APP: variants seen among roughly 807,000 people sequenced by gnomAD.
The protein encoded by APP is amyloid-beta precursor protein.
A neutral mutation model predicts 101.4 loss-of-function variants in APP; 31 were observed. The ratio of observed to expected loss-of-function variants is 0.31; its 90% CI spans 0.23 to 0.41. The LOEUF is 0.41. Among genes scored for constraint, APP ranks in the 10% least tolerant of loss-of-function variants. APP has a pLI of 1.00. For missense variants in APP, 839 were observed against 1,003.7 expected (o/e 0.84, Z 2.22); for synonymous variants, 366 against 364.4 (o/e 1.00, Z -0.05).
chr21:26,078,227 T>G (rs2061533826), intron 3 of APP, among the ~76,000 whole-genome samples: 1 of 152,208 alleles, frequency 6.6e-6, no homozygotes, highest in South Asian at 2.1e-4. Flanking sequence ...CAGTATTCCC[T>G]TCATAATAAG....
intron 1 of APP, chr21:26,169,407 G>C (rs1488666503): frequency 6.6e-6 from 1 of 152,658 alleles, no homozygotes; most frequent in Non-Finnish European, 1.5e-5. Flanking sequence ...AGTCCCCAGA[G>C]CTGCCAGGGA....
At chr21:26,160,658 A>G (rs1021968236) in intron 1 of APP, among the ~76,000 whole-genome samples, 1 of 152,182 alleles carries the variant, frequency 6.6e-6, no homozygotes, top group Non-Finnish European at 1.5e-5. Context: ...AAAATGGCCA[A>G]AAAAGGAGCC....
intron 6 of APP, among the ~76,000 whole-genome samples, chr21:26,020,568 T>C (rs772392525): frequency 6.6e-6 from 1 of 152,212 alleles, no homozygotes; most frequent in Non-Finnish European, 1.5e-5. Context: ...CATTAAACTT[T>C]AGCAAAAAGT....
Position 26,024,329 on chromosome 21 carries a change from G to A in APP, c.663-2287C>T, listed in dbSNP as rs184968316. Reference sequence around the variant, plus strand: ...CCCAGAAGGAAAAAAAAAAGCGAGAGGGAGAAAGCAGAAGGGAATTATTAC... The same window carrying A: ...CCCAGAAGGAAAAAAAAAAGCGAGAAGGAGAAAGCAGAAGGGAATTATTAC... On this transcript the variant is annotated intron_variant, in intron 5 of 17. Coordinates refer to ENST00000346798, the MANE Select transcript of APP (RefSeq NM_000484.4). Among the ~76,000 whole-genome samples, 645 of 152,152 alleles carry A rather than the reference G, an allele frequency of 4.2e-3. 5 individuals carry two copies. Among genetic ancestry groups the A allele is most frequent in the African/African-American group, 0.015 (618 of 41,536 alleles).
intron 3 of APP, among the ~76,000 whole-genome samples, chr21:26,084,877 T>C (rs1270223974): frequency 6.6e-6 from 1 of 152,242 alleles, no homozygotes; most frequent in Admixed American, 6.5e-5. Context: ...AAAGTACAAC[T>C]ACCAAGAGAT....
At chr21:26,072,387 C>G (rs1436861162) in intron 3 of APP, among the ~76,000 whole-genome samples, 3 of 152,284 alleles carry the variant, frequency 2.0e-5, no homozygotes, top group African/African-American at 7.2e-5. Context: ...TTTGGTACAA[C>G]TGTAAGCTCT....
At chr21:25,989,922 T>TAA (rs58821939) in intron 8 of APP, among the ~76,000 whole-genome samples, 1 of 145,252 alleles carries the variant, frequency 6.9e-6, no homozygotes, top group African/African-American at 2.5e-5. Context: ...AAAGTGTCTC[T>TAA]AAAAAAAAAA....
chr21:26,103,786 C>T (rs2062118409), intron 2 of APP, among the ~76,000 whole-genome samples: 1 of 152,170 alleles, frequency 6.6e-6, no homozygotes, highest in African/African-American at 2.4e-5. Flanking sequence ...CGACGACTAG[C>T]GTGCTCTAGG....
intron 5 of APP, among the ~76,000 whole-genome samples, chr21:26,027,902 T>C (rs1346194854): frequency 1.3e-5 from 2 of 152,018 alleles, no homozygotes; most frequent in Non-Finnish European, 2.9e-5. Flanking sequence ...CTACCAAAAA[T>C]TCATGACTCA....
At chr21:26,072,012 C>T (rs1047827883) in intron 3 of APP, among the ~76,000 whole-genome samples, 30 of 152,144 alleles carry the variant, frequency 2.0e-4, no homozygotes, top group African/African-American at 7.0e-4. Context: ...TCAGGGCCTT[C>T]GCTTTTAAGT....
In APP at chr21:26,089,968, G is replaced by T. The variant is rs202145222; in HGVS notation, c.330C>A (p.His110Gln). 16 of 1,614,184 alleles carry T rather than the reference G, an allele frequency of 9.9e-6. No individual in the cohort carries two copies. The highest frequency in any genetic ancestry group is 1.4e-5 in the Non-Finnish European group (16 of 1,180,012). ...CTAAGCAGCGGTAGGGAATCACAAA[G>T]TGGGGATGGGTCTTGCACTGCTTGC... ...RGRKQCKTHP[H>Q]FVIPYRCLVG... The change falls in exon 3 of 18, where the codon CAC becomes CAA. Residue 110 changes from histidine (H) to glutamine (Q), a missense_variant. His to Gln is a conservative substitution (Grantham distance 24). Transcript: ENST00000346798.
intron 13 of APP, among the ~76,000 whole-genome samples, chr21:25,920,874 G>A (rs1352375597): frequency 1.7e-4 from 21 of 126,424 alleles, no homozygotes; most frequent in Non-Finnish European, 1.5e-4. Context: ...TGCACCAAGC[G>A]GACCTAATAG....
chr21:25,975,013 C>T (rs1411950399), intron 11 of APP, 57 bp downstream of exon 11: 2 of 1,609,856 alleles, frequency 1.2e-6, no homozygotes, highest in Non-Finnish European at 1.7e-6. Context: ...CCCAGTGCCC[C>T]ACCCTTACTG....
chr21:26,152,144 G>A (rs1449594099), intron 1 of APP, among the ~76,000 whole-genome samples: 1 of 151,816 alleles, frequency 6.6e-6, no homozygotes, highest in African/African-American at 2.4e-5. Flanking sequence ...AATTAGCCGG[G>A]CGTGGTGGCG....
At chr21:25,979,812 T>TA (rs2042358698) in intron 9 of APP, among the ~76,000 whole-genome samples, 1 of 2,540 alleles carries the variant, frequency 3.9e-4, no homozygotes, top group Non-Finnish European at 8.5e-4. Flanking sequence ...AAAACACACA[T>TA]TAAAAAAAAT....
intron 3 of APP, among the ~76,000 whole-genome samples, chr21:26,079,333 G>A (rs551796175): frequency 6.1e-4 from 93 of 152,144 alleles, no homozygotes; most frequent in Non-Finnish European, 1.1e-3. Flanking sequence ...AATAAACACA[G>A]CTTGAGGTTA....
chr21:26,049,522 C>T (rs1030195991), intron 5 of APP, among the ~76,000 whole-genome samples: 4 of 151,952 alleles, frequency 2.6e-5, no homozygotes, highest in Non-Finnish European at 5.9e-5. Context: ...TAATTAGGTG[C>T]ATCTAGTAAC....
intron 6 of APP, among the ~76,000 whole-genome samples, chr21:26,010,854 C>CAAAACAAAAAAA (rs2043769218): frequency 8.3e-6 from 1 of 120,978 alleles, no homozygotes; most frequent in African/African-American, 3.0e-5. Context: ...CAAAAAACAA[C>CAAAACAAAAAAA]AAAACAAAAA....
At chr21:25,999,759 T>C (rs547611586) in intron 7 of APP, among the ~76,000 whole-genome samples, 2 of 152,312 alleles carry the variant, frequency 1.3e-5, no homozygotes, top group Admixed American at 6.5e-5. Flanking sequence ...AAAGTCCCTC[T>C]GGATTGCAAG....
Sources: gnomAD v4.1 joint callset for allele counts (sites outside exome capture counted in the v4.1 genomes callset) on GRCh38, gnomAD v4.1.1 for gene constraint, MANE v1.5 for transcripts, NCBI Gene and HGNC (gene_info 2026-07-23, HGNC 2026-07-21) for gene names.